PTK2B: variants seen among roughly 807,000 people sequenced by gnomAD.
PTK2B encodes protein tyrosine kinase 2 beta, also known as protein-tyrosine kinase 2-beta.
PTK2B carries 71 observed loss-of-function variants against 142.9 expected under a neutral mutation model. That is an observed-to-expected ratio of 0.50 (90% confidence interval 0.41 to 0.61). The LOEUF is 0.61. PTK2B is among the 20% of genes least tolerant of loss of function. The pLI is 0.00. For missense variants in PTK2B, 1,105 were observed against 1,320.4 expected, an observed-to-expected ratio of 0.84 and a Z score of 2.53; for synonymous variants, 519 against 503.4, an observed-to-expected ratio of 1.03 and a Z score of -0.42.
chr8:27,310,660 C>A (rs1322704281), upstream of PTK2B: 4 of 955,982 alleles, frequency 4.2e-6, no homozygotes, highest in Non-Finnish European at 6.1e-6. Context: ...GAACCTGGGT[C>A]GGAGAGGTGG....
At chr8:27,366,754 C>T (rs1268356670) in intron 1 of PTK2B, among the ~76,000 whole-genome samples, 1 of 152,110 alleles carries the variant, frequency 6.6e-6, no homozygotes. Context: ...AGGAGAGGAC[C>T]AGCTCTGAGA....
At chr8:27,442,676 C>T (rs1811225193) in intron 21 of PTK2B, among the ~76,000 whole-genome samples, 199 bp from the exon 22 acceptor site, 1 of 152,194 alleles carries the variant, frequency 6.6e-6, no homozygotes, top group South Asian at 2.1e-4. Context: ...CTCCCAACCT[C>T]AGTGTGGCCT....
chr8:27,350,465 G>T (rs917051774), intron 1 of PTK2B, among the ~76,000 whole-genome samples: 2 of 152,142 alleles, frequency 1.3e-5, no homozygotes, highest in Non-Finnish European at 2.9e-5. Flanking sequence ...CTCTGGATTT[G>T]TCTGGAATAT....
intron 1 of PTK2B, among the ~76,000 whole-genome samples, chr8:27,334,684 TC>T (rs1458377722): frequency 9.2e-5 from 14 of 152,164 alleles, no homozygotes; most frequent in African/African-American, 3.1e-4. Context: ...GATCCCTCCC[TC>T]CCTGCACACT....
At chr8:27,391,968 C>T (rs916339953) in intron 1 of PTK2B, among the ~76,000 whole-genome samples, 11 of 152,132 alleles carry the variant, frequency 7.2e-5, no homozygotes, top group Admixed American at 2.6e-4. Flanking sequence ...GACTCTGCTC[C>T]GACGGTCTGG....
At chr8:27,443,103 AC>A in intron 22 of PTK2B, 120 bp downstream of exon 22, 2 of 651,358 alleles carry the variant, frequency 3.1e-6, no homozygotes. Context: ...TCAGTCCTTC[AC>A]CCAGCATCCA....
At chr8:27,341,928 A>G (rs146477480) in intron 1 of PTK2B, among the ~76,000 whole-genome samples, 161 of 152,188 alleles carry the variant, frequency 1.1e-3, no homozygotes, top group African/African-American at 3.4e-3. Context: ...CTCCTGTCTT[A>G]TCCTCCCAAA....
At chr8:27,455,470 G>T (rs1204555197) in intron 30 of PTK2B, among the ~76,000 whole-genome samples, 1 of 152,194 alleles carries the variant, frequency 6.6e-6, no homozygotes, top group African/African-American at 2.4e-5. Context: ...GATAGACTGA[G>T]CCTGGGAGGT....
chr8:27,375,892 T>A (rs1396405931), intron 1 of PTK2B, among the ~76,000 whole-genome samples: 2 of 152,206 alleles, frequency 1.3e-5, no homozygotes, highest in Admixed American at 6.5e-5. Context: ...TTCATTCCCC[T>A]CACCAGGCAC....
intron 2 of PTK2B, among the ~76,000 whole-genome samples, chr8:27,417,255 T>C (rs1436298432): frequency 1.3e-5 from 2 of 152,230 alleles, no homozygotes; most frequent in African/African-American, 4.8e-5. Flanking sequence ...TACCGATTGA[T>C]AAGTAGGAAT....
intron 1 of PTK2B, among the ~76,000 whole-genome samples, chr8:27,345,492 G>A (rs942121016): frequency 3.3e-5 from 5 of 152,206 alleles, no homozygotes; most frequent in Non-Finnish European, 7.3e-5. Context: ...GCTGCTCTGA[G>A]TGAGGGGCTT....
intron 1 of PTK2B, among the ~76,000 whole-genome samples, chr8:27,339,561 C>A (rs1804269933): frequency 6.6e-6 from 1 of 152,150 alleles, no homozygotes; most frequent in East Asian, 1.9e-4. Flanking sequence ...GAAGCTGTGG[C>A]CTGACATGGG....
chr8:27,323,756 A>G (rs1199248954), upstream of PTK2B, among the ~76,000 whole-genome samples: 1 of 152,144 alleles, frequency 6.6e-6, no homozygotes, highest in Non-Finnish European at 1.5e-5. Flanking sequence ...AGAGTTTCTC[A>G]ATGTCTTTTT....
chr8:27,410,918 T>A (rs1809018854), intron 2 of PTK2B, among the ~76,000 whole-genome samples: 1 of 152,162 alleles, frequency 6.6e-6, no homozygotes, highest in South Asian at 2.1e-4. Flanking sequence ...CTATAGACAT[T>A]TTAATGTTTG....
At chr8:27,420,991 C>G (rs1809712321) in intron 4 of PTK2B, among the ~76,000 whole-genome samples, 1 of 152,160 alleles carries the variant, frequency 6.6e-6, no homozygotes, top group Non-Finnish European at 1.5e-5. Context: ...TTCTGGTGGC[C>G]CAGGAGACCT....
intron 2 of PTK2B, among the ~76,000 whole-genome samples, chr8:27,414,764 A>G (rs1809293692): frequency 6.6e-6 from 1 of 152,054 alleles, no homozygotes; most frequent in African/African-American, 2.4e-5. Flanking sequence ...ATTATCCTCA[A>G]TACATTTACT....
chr8:27,351,614 A>G (rs1243772053), intron 1 of PTK2B, among the ~76,000 whole-genome samples: 3 of 152,210 alleles, frequency 2.0e-5, no homozygotes, highest in Admixed American at 6.5e-5. Flanking sequence ...TAATTAATAA[A>G]TAAATAAAAG....
rs1015697208 is a variant in PTK2B, at chr8:27,363,402, A to G, written c.-37-34146A>G. On this transcript the variant is annotated intron_variant, in intron 1 of 30. Transcript: ENST00000346049. The surrounding 1 kb of genome is among the most constrained non-coding windows in gnomAD (Gnocchi z 4.3). ...ATGAGCAGGCCCAGGAAGTTACAGAAAAGTAGATTTGGGATGAATATAAAG... is the reference window on the plus strand; with the variant it reads ...ATGAGCAGGCCCAGGAAGTTACAGAGAAGTAGATTTGGGATGAATATAAAG... Among the ~76,000 whole-genome samples, 7 of 152,166 alleles carry G rather than the reference A, an allele frequency of 4.6e-5. No individual in the cohort carries two copies. The highest frequency in any genetic ancestry group is 1.0e-4 in the Non-Finnish European group (7 of 68,022).
intron 1 of PTK2B, among the ~76,000 whole-genome samples, chr8:27,379,472 C>A (rs1218463358): frequency 2.0e-5 from 3 of 152,178 alleles, no homozygotes; most frequent in Non-Finnish European, 4.4e-5. Context: ...AAGTGATCTA[C>A]CTACCTCGGC....
Sources: gnomAD v4.1 joint callset for allele counts (sites outside exome capture counted in the v4.1 genomes callset) on GRCh38, gnomAD v4.1.1 for gene constraint, Gnocchi (gnomAD v3.1) non-coding constraint, MANE v1.5 for transcripts, NCBI Gene and HGNC (gene_info 2026-07-23, HGNC 2026-07-21) for gene names.